The following C16orf74 variants were observed in gnomAD, a reference collection of about 807,000 sequenced individuals.
C16orf74 encodes the protein uncharacterized protein C16orf74.
In C16orf74, 10 loss-of-function variants were observed where a neutral mutation model predicts 6.5. The observed-to-expected ratio is 1.54, with a 90% CI of 0.95 to 2.61. The LOEUF is 2.61. Ranked by LOEUF, C16orf74 falls within the 30% of genes most tolerant of loss-of-function variation. C16orf74 has a pLI of 0.00. For missense variants in C16orf74, 141 were observed against 105.9 expected (o/e 1.33, Z -1.45); for synonymous variants, 60 against 42.5 (o/e 1.41, Z -1.60).
chr16:85,744,582 G>A (rs2152066679), intron 1 of C16orf74, among the ~76,000 whole-genome samples: 1 of 152,260 alleles, frequency 6.6e-6, no homozygotes, highest in African/African-American at 2.4e-5. Context: ...TGAAATCCCA[G>A]CACTTTGGGA....
intron 2 of C16orf74, among the ~76,000 whole-genome samples, chr16:85,729,679 A>T (rs938234345): frequency 4.6e-5 from 7 of 152,154 alleles, no homozygotes; most frequent in Non-Finnish European, 8.8e-5. Flanking sequence ...TTGGGGGCGG[A>T]GGGGCTCTAA....
chr16:85,728,937 C>T (rs750360937), intron 2 of C16orf74, among the ~76,000 whole-genome samples: 2 of 152,210 alleles, frequency 1.3e-5, no homozygotes, highest in Admixed American at 1.3e-4. Flanking sequence ...TGTTGAAAAC[C>T]CTGAGTTCCT....
chr16:85,714,334 C>T lies in C16orf74; in HGVS notation c.29-4027G>A, dbSNP rs562054229. Among the ~76,000 whole-genome samples, 75 of 152,174 alleles carry T rather than the reference C, an allele frequency of 4.9e-4. 1 individual carries two copies. The highest frequency in any genetic ancestry group is 9.7e-4 in the Non-Finnish European group (66 of 68,010). ...CCCCAGGCACTGCCCCAGTCACCTCCCCACCTTCTGAACCCCAACACTGTT... is the reference window on the plus strand; with the variant it reads ...CCCCAGGCACTGCCCCAGTCACCTCTCCACCTTCTGAACCCCAACACTGTT... On this transcript the variant is annotated intron_variant, in intron 2 of 3. Coordinates refer to ENST00000284245, the MANE Select transcript of C16orf74 (RefSeq NM_206967.3).
chr16:85,745,014 G>A (rs376707483), intron 1 of C16orf74, among the ~76,000 whole-genome samples: 1 of 151,140 alleles, frequency 6.6e-6, no homozygotes, highest in Non-Finnish European at 1.5e-5. Flanking sequence ...TGTGGCGCAC[G>A]CCTGTAATCC....
At chr16:85,724,205 G>A (rs542227425) in intron 2 of C16orf74, among the ~76,000 whole-genome samples, 11 of 152,208 alleles carry the variant, frequency 7.2e-5, no homozygotes, top group Non-Finnish European at 1.5e-4. Flanking sequence ...TCTGACTTCC[G>A]AGTCTTGAGC....
Position 85,750,932 on chromosome 16 carries a change from C to T in C16orf74, c.-25G>A, listed in dbSNP as rs997325717. The T allele has an allele frequency of 2.0e-5, 3 of 151,310 alleles. No homozygotes were observed. The highest frequency in any genetic ancestry group is 6.6e-5 in the Admixed American group (1 of 15,206). 9.4% of individuals were successfully genotyped at this position (151,310 alleles called of 1,614,324 possible). On this transcript the variant is annotated 5_prime_UTR_variant, in exon 1 of 4. Transcript: ENST00000284245. ...CGAGGCGCGGGGCACTCACCGCTTC[C>T]TTCTTGGTGGGCTCACTGCGGAGCC... is the stretch of plus-strand genomic sequence containing the variant.
At chr16:85,727,948 C>A (rs953701317) in intron 2 of C16orf74, among the ~76,000 whole-genome samples, 7 of 130,238 alleles carry the variant, frequency 5.4e-5, no homozygotes, top group Non-Finnish European at 1.6e-5. Flanking sequence ...AGCAACAAAG[C>A]GAGACCCCTT....
intron 2 of C16orf74, among the ~76,000 whole-genome samples, chr16:85,718,113 G>C (rs1330477899): frequency 6.6e-6 from 1 of 152,068 alleles, no homozygotes; most frequent in African/African-American, 2.4e-5. Flanking sequence ...TTGATTTTTT[G>C]AGACAGGGTC....
chr16:85,712,065 C>T (rs1405509722), intron 2 of C16orf74, among the ~76,000 whole-genome samples: 1 of 152,212 alleles, frequency 6.6e-6, no homozygotes, highest in Non-Finnish European at 1.5e-5. Flanking sequence ...AACACTTGCT[C>T]TTGGGGAAGC....
chr16:85,739,357 C>T (rs187638465), intron 1 of C16orf74, among the ~76,000 whole-genome samples: 1 of 152,304 alleles, frequency 6.6e-6, no homozygotes, highest in East Asian at 1.9e-4. Flanking sequence ...GCATTGATCA[C>T]AGCCCACCCG....
At chr16:85,728,586 C>A (rs1457296939) in intron 2 of C16orf74, among the ~76,000 whole-genome samples, 1 of 152,210 alleles carries the variant, frequency 6.6e-6, no homozygotes, top group Non-Finnish European at 1.5e-5. Flanking sequence ...ACGCCCCAGC[C>A]AGCCACTCTA....
At chr16:85,742,096 G>C (rs989271230) in intron 1 of C16orf74, among the ~76,000 whole-genome samples, 2 of 152,186 alleles carry the variant, frequency 1.3e-5, no homozygotes, top group Admixed American at 6.5e-5. Context: ...CTGGTGGCTG[G>C]GCGTGGTGGC....
chr16:85,741,168 G>A (rs928704425), intron 1 of C16orf74, among the ~76,000 whole-genome samples: 5 of 152,216 alleles, frequency 3.3e-5, no homozygotes, highest in African/African-American at 9.7e-5. Context: ...AGGGCAGGAT[G>A]CGGGCGGCAG....
intron 1 of C16orf74, among the ~76,000 whole-genome samples, chr16:85,740,478 G>A (rs573891074): frequency 1.4e-4 from 21 of 151,710 alleles, no homozygotes; most frequent in Non-Finnish European, 2.8e-4. Context: ...TGAGGTGGGA[G>A]GATCACGAGG....
At chr16:85,731,761 C>T (rs445514) in intron 2 of C16orf74, among the ~76,000 whole-genome samples, 19,398 of 151,910 alleles carry the variant, frequency 0.13, 1,664 homozygotes, top group Middle Eastern at 0.23. Context: ...GATCACAGCT[C>T]ACTGCAGCCT....
chr16:85,728,287 G>A (rs1355495805), intron 2 of C16orf74, among the ~76,000 whole-genome samples: 1 of 152,124 alleles, frequency 6.6e-6, no homozygotes, highest in Non-Finnish European at 1.5e-5. Context: ...GGGGTGTGTG[G>A]GAACTCTCTG....
intron 2 of C16orf74, among the ~76,000 whole-genome samples, chr16:85,724,166 A>C (rs2152061109): frequency 6.6e-6 from 1 of 152,264 alleles, no homozygotes; most frequent in East Asian, 1.9e-4. Flanking sequence ...TGCTGGGATT[A>C]CAAGTGTGTG....
intron 2 of C16orf74, among the ~76,000 whole-genome samples, chr16:85,725,411 C>T (rs527240355): frequency 6.6e-6 from 1 of 152,322 alleles, no homozygotes; most frequent in East Asian, 1.9e-4. Context: ...CCTGGACCAC[C>T]CAGGGGAATC....
intron 2 of C16orf74, among the ~76,000 whole-genome samples, chr16:85,721,756 C>T (rs1434726566): frequency 6.6e-6 from 1 of 152,318 alleles, no homozygotes; most frequent in East Asian, 1.9e-4. Context: ...TGGCATGGAG[C>T]TGCTGGCTTC....
Sources: allele counts gnomAD v4.1 joint callset (sites outside exome capture counted in the v4.1 genomes callset), GRCh38; gene constraint gnomAD v4.1.1; transcripts MANE v1.5; gene names NCBI Gene and HGNC (gene_info 2026-07-23, HGNC 2026-07-21).